The following EBF2 variants were observed in gnomAD, a reference collection of about 807,000 sequenced individuals.
EBF2 encodes the protein EBF transcription factor 2.
A neutral mutation model predicts 72.8 loss-of-function variants in EBF2; 21 were observed. The ratio of observed to expected loss-of-function variants is 0.29; its 90% CI spans 0.20 to 0.42. EBF2 has a LOEUF of 0.42. Among genes scored for constraint, EBF2 ranks in the 10% least tolerant of loss-of-function variants. The pLI, the probability that EBF2 is intolerant of heterozygous loss-of-function variation, is 1.00. For synonymous variants in EBF2, 299 were observed against 274.2 expected (o/e 1.09, Z -0.89); for missense variants, 637 against 731.2 (o/e 0.87, Z 1.49).
In EBF2 at chr8:25,886,662, G is replaced by GA. The variant is rs1802693652; in HGVS notation, c.1009+92dup. 5.6e-6 allele frequency: 8 copies of GA among 1,423,120 alleles called. No homozygotes were observed. The South Asian group carries it at 1.3e-4, about 23-fold the overall frequency. The allele number at this position is 1,423,120 out of a possible 1,614,324, so 88.2% of individuals were successfully genotyped here. On this transcript the variant is annotated intron_variant, in intron 10 of 15. Coordinates refer to ENST00000520164, the MANE Select transcript of EBF2 (RefSeq NM_022659.4). ...CTTTCCACACTAGTAAAAAGACCTA[G>GA]AAAAATCAGGACGATTACAAAGTGC...
intron 15 of EBF2, among the ~76,000 whole-genome samples, chr8:25,848,503 C>T (rs62500477): frequency 2.3e-4 from 35 of 152,018 alleles, no homozygotes; most frequent in African/African-American, 7.2e-4. Flanking sequence ...AGTAACAGCA[C>T]GGGAGTCTTG....
At chr8:25,989,197 A>G (rs1787285577) in intron 6 of EBF2, among the ~76,000 whole-genome samples, 1 of 152,226 alleles carries the variant, frequency 6.6e-6, no homozygotes, top group South Asian at 2.1e-4. Flanking sequence ...CTTTAGAAAC[A>G]GAAAAGGATG....
In EBF2 at chr8:25,899,906, A is replaced by T. The variant is rs1802922810; in HGVS notation, c.633+8568T>A. Among the ~76,000 whole-genome samples, 5 of 152,226 alleles carry T rather than the reference A, an allele frequency of 3.3e-5. No homozygotes were observed. The South Asian group carries it at 1.0e-3, about 32-fold the overall frequency. On this transcript the variant is annotated intron_variant, in intron 7 of 15. Coordinates refer to ENST00000520164, the MANE Select transcript of EBF2 (RefSeq NM_022659.4). Reference sequence around the variant, plus strand: ...CAACGGGGCCTCACTTCCTTTCTCCATTCCCATCCGGCAGATCTTTCTGCC... The same window carrying T: ...CAACGGGGCCTCACTTCCTTTCTCCTTTCCCATCCGGCAGATCTTTCTGCC...
In EBF2 at chr8:25,957,299, T is replaced by C. The variant is rs150449664; in HGVS notation, c.552-48744A>G. Among the ~76,000 whole-genome samples, 70 of 152,334 alleles carry C rather than the reference T, an allele frequency of 4.6e-4. 2 individuals are homozygous for C. The East Asian group carries it at 9.8e-3, about 21-fold the overall frequency. ...GCAAAGTACTTTCATACACATGTCT[T>C]CACAAGAGTTTCAGCAAACAAACAA... On this transcript the variant is annotated intron_variant, in intron 6 of 15. Coordinates refer to ENST00000520164, the MANE Select transcript of EBF2 (RefSeq NM_022659.4).
At chr8:25,991,690 A>G (rs1804547016) in intron 6 of EBF2, among the ~76,000 whole-genome samples, 1 of 152,128 alleles carries the variant, frequency 6.6e-6, no homozygotes, top group African/African-American at 2.4e-5. Context: ...TACTAAAAAT[A>G]GAAAAATTAG....
chr8:25,998,444 C>T (rs753004744), intron 6 of EBF2, among the ~76,000 whole-genome samples: 13 of 152,116 alleles, frequency 8.5e-5, no homozygotes, highest in South Asian at 2.1e-4. Flanking sequence ...AAAGGGACAC[C>T]AGCCGTAGGA....
At chr8:25,872,517 C>A (rs758566909) in intron 10 of EBF2, among the ~76,000 whole-genome samples, 2 of 152,136 alleles carry the variant, frequency 1.3e-5, no homozygotes, top group Non-Finnish European at 2.9e-5. Flanking sequence ...GCATTATCTG[C>A]AGAAAGGGAG....
chr8:25,974,697 C>T (rs999840896), intron 6 of EBF2, among the ~76,000 whole-genome samples: 8 of 152,244 alleles, frequency 5.3e-5, no homozygotes, highest in South Asian at 2.1e-4. Context: ...GGAACTTGGA[C>T]GGCAAAATAA....
At position 25,980,779 on chromosome 8, in the gene EBF2, G is replaced by A. The variant is rs527589734; in HGVS notation, c.551+52306C>T. ...TTTGACTTGCCTAATGACACTGGGA[G>A]GCCACCACAAAAAAAAAAAAAAAAA... On this transcript the variant is annotated intron_variant, in intron 6 of 15. Transcript: ENST00000520164. Among the ~76,000 whole-genome samples the A allele has an allele frequency of 4.2e-5, 5 of 120,032 alleles. No homozygotes were observed. In the East Asian group the frequency reaches 6.7e-4, roughly 16 times the overall value. The allele number at this position is 120,032 out of a possible 152,430, so 78.7% of individuals were successfully genotyped here.
chr8:25,856,620 AC>A (rs1314952489), intron 14 of EBF2, among the ~76,000 whole-genome samples: 6 of 152,172 alleles, frequency 3.9e-5, no homozygotes, highest in Admixed American at 1.3e-4. Flanking sequence ...TATTGTTGTC[AC>A]TGTTATATCA....
intron 6 of EBF2, among the ~76,000 whole-genome samples, chr8:26,028,630 G>C (rs1805343274): frequency 6.6e-6 from 1 of 152,204 alleles, no homozygotes; most frequent in African/African-American, 2.4e-5. Flanking sequence ...GATCGTCAGA[G>C]AACCTGCCAG....
intron 6 of EBF2, among the ~76,000 whole-genome samples, chr8:26,026,713 T>G (rs1346770184): frequency 2.0e-5 from 3 of 152,182 alleles, no homozygotes; most frequent in Non-Finnish European, 2.9e-5. Flanking sequence ...TTCCTATCAG[T>G]TCTTCCAGAT....
At chr8:25,897,813 C>T (rs1160721428) in intron 7 of EBF2, among the ~76,000 whole-genome samples, 7 of 152,166 alleles carry the variant, frequency 4.6e-5, no homozygotes, top group Admixed American at 4.6e-4. Context: ...AATAATGCAG[C>T]AATGAACATA....
At chr8:25,873,169 G>A (rs1043349228) in intron 10 of EBF2, among the ~76,000 whole-genome samples, 2 of 152,172 alleles carry the variant, frequency 1.3e-5, no homozygotes, top group Non-Finnish European at 2.9e-5. Context: ...ATGGTGTGAT[G>A]GGATAAAGCT....
chr8:26,016,421 C>T (rs1374877456), intron 6 of EBF2, among the ~76,000 whole-genome samples: 1 of 152,212 alleles, frequency 6.6e-6, no homozygotes, highest in Non-Finnish European at 1.5e-5. Flanking sequence ...CATTTATTCA[C>T]ACATTCATTC....
intron 7 of EBF2, among the ~76,000 whole-genome samples, chr8:25,905,428 A>G (rs1803017879): frequency 2.0e-5 from 3 of 152,236 alleles, no homozygotes; most frequent in Admixed American, 2.0e-4. Context: ...CCAAAAAGTG[A>G]GACAATCCAA....
chr8:25,850,024 C>T (rs921788187), intron 15 of EBF2, among the ~76,000 whole-genome samples: 3 of 152,158 alleles, frequency 2.0e-5, no homozygotes, highest in African/African-American at 7.2e-5. Flanking sequence ...CTGGGAAGTC[C>T]AGACACTCCT....
rs190307144 is a variant in EBF2, at chr8:25,860,551, T to G, written c.1342+498A>C. Among the ~76,000 whole-genome samples the G allele has an allele frequency of 4.1e-3, 626 of 151,068 alleles. 4 individuals are homozygous for G. The highest frequency in any genetic ancestry group is 0.014 in the African/African-American group (594 of 41,122). ...CCCAGGCTGGAGTGCACTGTCACAC[T>G]GCACAGGCAGCCTCGGCTCATTTGC... On this transcript the variant is annotated intron_variant, in intron 13 of 15. Transcript: ENST00000520164.
chr8:25,938,046 G>C (rs534493666), intron 6 of EBF2, among the ~76,000 whole-genome samples: 14 of 152,140 alleles, frequency 9.2e-5, no homozygotes, highest in Non-Finnish European at 1.9e-4. Flanking sequence ...TGAAAAAAAG[G>C]ATTCAGAATT....
Sources: allele counts gnomAD v4.1 joint callset (sites outside exome capture counted in the v4.1 genomes callset), GRCh38; gene constraint gnomAD v4.1.1; transcripts MANE v1.5; gene names NCBI Gene and HGNC (gene_info 2026-07-23, HGNC 2026-07-21).